Variants in PCDHGB5 observed in about 807,000 individuals in gnomAD.
PCDHGB5 encodes protocadherin gamma-B5.
In PCDHGB5, 48 loss-of-function variants were observed where a neutral mutation model predicts 62.9. That is an observed-to-expected ratio of 0.76 (90% CI 0.61 to 0.97). The LOEUF is 0.97. Among genes scored for constraint, PCDHGB5 ranks in the 50% least tolerant of loss-of-function variants. The pLI, the probability that PCDHGB5 is intolerant of heterozygous loss-of-function variation, is 0.00. For synonymous variants in PCDHGB5, 474 were observed against 511.2 expected, an observed-to-expected ratio of 0.93 and a Z score of 0.98; for missense variants, 1,118 against 1,198.6, an observed-to-expected ratio of 0.93 and a Z score of 0.99.
intron 1 of PCDHGB5, chr5:141,412,395 T>G (rs941350125): frequency 1.3e-5 from 2 of 152,246 alleles, no homozygotes; most frequent in African/African-American, 4.8e-5. Flanking sequence ...ATTTAACTTG[T>G]ATCCCTGTAA....
At position 141,497,121 on chromosome 5, in the gene PCDHGB5, G is replaced by T. The variant is rs185298630; in HGVS notation, c.2456+2256G>T. Among the ~76,000 whole-genome samples, 563 of 152,212 alleles carry T rather than the reference G, an allele frequency of 3.7e-3. 5 individuals are homozygous for T. The highest frequency in any genetic ancestry group is 0.011 in the Admixed American group (164 of 15,296). On this transcript the variant is annotated intron_variant, in intron 2 of 3. Coordinates refer to ENST00000617380, the MANE Select transcript of PCDHGB5 (RefSeq NM_018925.3). Reference sequence around the variant, plus strand: ...GAACTGCTTGAACCCGGAAGGCAGAGGTTGCAGTGAGCTGAGATCACGAAA... The same window carrying T: ...GAACTGCTTGAACCCGGAAGGCAGATGTTGCAGTGAGCTGAGATCACGAAA...
Position 141,422,964 on chromosome 5 carries a change from G to C in PCDHGB5, c.2397+22440G>C, listed in dbSNP as rs375881737. 1.0e-4 allele frequency: 161 copies of C among 1,614,190 alleles called. No individual in the cohort carries two copies. In the African/African-American group the frequency reaches 1.9e-3, roughly 20 times the overall value. ...ACGGCTCCACTGGCGTGGAGCTGGC[G>C]CCCCGCTCTGCGGAACCTGGCTACC... On this transcript the variant is annotated intron_variant, in intron 1 of 3. Coordinates refer to ENST00000617380, the MANE Select transcript of PCDHGB5 (RefSeq NM_018925.3).
intron 1 of PCDHGB5, chr5:141,418,063 G>C (rs2015825): frequency 1.9e-6 from 3 of 1,613,754 alleles, no homozygotes; most frequent in Admixed American, 1.7e-5. Flanking sequence ...AGCTGCGAGT[G>C]AGCGCGGAGA....
intron 1 of PCDHGB5, among the ~76,000 whole-genome samples, chr5:141,420,737 A>G (rs1156969170): frequency 1.3e-5 from 2 of 152,244 alleles, no homozygotes; most frequent in Non-Finnish European, 2.9e-5. Flanking sequence ...GTTAAAATCA[A>G]TTGGAACCAA....
chr5:141,456,285 G>T (rs2098848223), intron 1 of PCDHGB5, among the ~76,000 whole-genome samples: 1 of 152,134 alleles, frequency 6.6e-6, no homozygotes, highest in Non-Finnish European at 1.5e-5. Flanking sequence ...GCTGAAAAGG[G>T]GCGTCTAATG....
Position 141,399,464 on chromosome 5 carries a change from C to G in PCDHGB5, c.1337C>G (p.Pro446Arg). 1 of 1,614,018 alleles carries G rather than the reference C, an allele frequency of 6.2e-7. No homozygotes were observed. The highest frequency in any genetic ancestry group is 8.5e-7 in the Non-Finnish European group (1 of 1,179,890). Reference sequence around the variant, plus strand: ...ATCAGAGACGTCAACGATAACGCTCCGGTTTTCCACCAGGCGTCCTACTTA... The same window carrying G: ...ATCAGAGACGTCAACGATAACGCTCGGGTTTTCCACCAGGCGTCCTACTTA... Reference protein sequence around the residue: ...LHIRDVNDNAPVFHQASYLVS... With the variant: ...LHIRDVNDNARVFHQASYLVS... Residue 446 changes from proline to arginine, a missense_variant, in exon 1 of 4, where the codon CCG becomes CGG. Pro to Arg is a moderately radical substitution (Grantham distance 103). Coordinates refer to ENST00000617380, the MANE Select transcript of PCDHGB5 (RefSeq NM_018925.3).
At chr5:141,462,497 T>C (rs1333421053) in intron 1 of PCDHGB5, among the ~76,000 whole-genome samples, 1 of 152,244 alleles carries the variant, frequency 6.6e-6, no homozygotes, top group Non-Finnish European at 1.5e-5. Flanking sequence ...TATCCTATAA[T>C]TGTCAACTAG....
chr5:141,494,929 GGA>G, intron 2 of PCDHGB5, 64 bp downstream of exon 2: 1 of 1,613,142 alleles, frequency 6.2e-7, no homozygotes, highest in Non-Finnish European at 8.5e-7. Flanking sequence ...TGACGTGGGA[GGA>G]GATGGGGGAG....
At chr5:141,419,139 G>C in intron 1 of PCDHGB5, 1 of 1,613,916 alleles carries the variant, frequency 6.2e-7, no homozygotes, top group South Asian at 1.1e-5. Flanking sequence ...GCCACAGACA[G>C]GGGCAAGCCT....
At chr5:141,481,357 G>A (rs1399668487) in intron 1 of PCDHGB5, among the ~76,000 whole-genome samples, 1 of 152,176 alleles carries the variant, frequency 6.6e-6, no homozygotes, top group Non-Finnish European at 1.5e-5. Context: ...ATCTACAGCT[G>A]TTCAATAGAT....
chr5:141,398,682 A>G lies in PCDHGB5; in HGVS notation c.555A>G (p.Lys185=), dbSNP rs767093587. The change falls in exon 1 of 4, where the codon AAA becomes AAG. Residue 185 remains lysine (K), a synonymous_variant. Transcript: ENST00000617380. ...GTTTCTCATTAATAATTAAGGAGAA[A>G]CAGGATGGTAGTAAATACCCGGAAC... ...NPSFSLIIKE[K]QDGSKYPELA... 23 of 1,613,842 alleles carry G rather than the reference A, an allele frequency of 1.4e-5. No homozygotes were observed. The highest frequency in any genetic ancestry group is 1.9e-5 in the Non-Finnish European group (22 of 1,179,900).
chr5:141,442,930 T>C (rs77210959), intron 1 of PCDHGB5, among the ~76,000 whole-genome samples: 6,420 of 152,302 alleles, frequency 0.042, 216 homozygotes, highest in African/African-American at 0.092. Flanking sequence ...TCATTTTCTA[T>C]TTAAGAAACT....
rs1460389320 is a variant in PCDHGB5 at position 141,490,134 on chromosome 5, C to T, written c.2398-4673C>T. The T allele has an allele frequency of 2.5e-6, 4 of 1,614,114 alleles. No homozygotes were observed. Among genetic ancestry groups the T allele is most frequent in the Admixed American group, 3.3e-5 (2 of 59,998 alleles). ...GGAACCTCTTTGGCCTAGACCCTAG[C>T]AGTGGGGCAATCCATGTGTTGGGTC... On this transcript the variant is annotated intron_variant, in intron 1 of 3. Coordinates refer to ENST00000617380, the MANE Select transcript of PCDHGB5 (RefSeq NM_018925.3). This position sits in a 1 kb window ranked among gnomAD's most constrained non-coding sequence, Gnocchi z 5.4.
At chr5:141,402,212 A>C (rs1282581389) in intron 1 of PCDHGB5, among the ~76,000 whole-genome samples, 1 of 152,138 alleles carries the variant, frequency 6.6e-6, no homozygotes, top group Non-Finnish European at 1.5e-5. Flanking sequence ...ACAAAAATTT[A>C]AAATAAACGT....
intron 1 of PCDHGB5, among the ~76,000 whole-genome samples, chr5:141,435,619 T>A (rs2097772280): frequency 6.6e-6 from 1 of 152,190 alleles, no homozygotes; most frequent in Non-Finnish European, 1.5e-5. Context: ...AAATTCCCCA[T>A]AACTTTTACA....
intron 1 of PCDHGB5, among the ~76,000 whole-genome samples, chr5:141,464,886 A>T (rs541933775): frequency 5.2e-4 from 79 of 152,156 alleles, no homozygotes; most frequent in African/African-American, 1.9e-3. Flanking sequence ...CTACAGATGG[A>T]TGCCACCATG....
chr5:141,510,894 A>G, intron 3 of PCDHGB5, 53 bp from the exon 4 acceptor site: 2 of 1,612,850 alleles, frequency 1.2e-6, no homozygotes, highest in Non-Finnish European at 8.5e-7. Flanking sequence ...TAAGACAGTG[A>G]CTGTTGAGGA....
At chr5:141,426,788 T>C (rs2096960035) in intron 1 of PCDHGB5, 1 of 456,568 alleles carries the variant, frequency 2.2e-6, no homozygotes, top group African/African-American at 2.0e-5. Context: ...CTCTCCAGAG[T>C]TACCAGCTCA....
intron 1 of PCDHGB5, chr5:141,428,062 A>G: frequency 6.2e-7 from 1 of 1,609,084 alleles, no homozygotes; most frequent in African/African-American, 1.3e-5. Flanking sequence ...GTGGCGGTGG[A>G]CGCAGATTCG....
Sources: gnomAD v4.1 joint callset for allele counts (sites outside exome capture counted in the v4.1 genomes callset) on GRCh38, gnomAD v4.1.1 for gene constraint, Gnocchi (gnomAD v3.1) non-coding constraint, MANE v1.5 for transcripts, NCBI Gene and HGNC (gene_info 2026-07-23, HGNC 2026-07-21) for gene names.